CNTNAP3: variants seen among roughly 807,000 people sequenced by gnomAD.
CNTNAP3 encodes contactin associated protein family member 3.
CNTNAP3 carries 36 observed loss-of-function variants against 92.1 expected under a neutral mutation model. That is an observed-to-expected ratio of 0.39 (90% CI 0.30 to 0.52). The LOEUF is 0.52. CNTNAP3 is among the 20% of genes least tolerant of loss of function. The pLI is 0.76. For synonymous variants in CNTNAP3, 232 were observed against 422.3 expected, an observed-to-expected ratio of 0.55 and a Z score of 5.53; for missense variants, 534 against 1,069.6, an observed-to-expected ratio of 0.50 and a Z score of 6.98.
intron 15 of CNTNAP3, among the ~76,000 whole-genome samples, chr9:39,104,168 G>A (rs56298750): frequency 0.017 from 2,602 of 152,092 alleles, 79 homozygotes; most frequent in Non-Finnish European, 0.017. Context: ...CCAGTCAGGG[G>A]ATCGCGCAGC....
chr9:39,093,351 T>C (rs187105247), intron 18 of CNTNAP3, among the ~76,000 whole-genome samples: 4 of 148,712 alleles, frequency 2.7e-5, no homozygotes, highest in Admixed American at 2.0e-4. Flanking sequence ...ATTTCTTTCT[T>C]GATTTCACTA....
chr9:39,127,934 G>A (rs1821187324), intron 13 of CNTNAP3, among the ~76,000 whole-genome samples: 1 of 152,122 alleles, frequency 6.6e-6, no homozygotes, highest in Non-Finnish European at 1.5e-5. Context: ...TGCCTCCCAA[G>A]TTCAAGCGAT....
In CNTNAP3 at chr9:39,125,896, A is replaced by C. The variant is rs1167949090; in HGVS notation, c.2080+7036T>G. Among the ~76,000 whole-genome samples the C allele has an allele frequency of 9.9e-5, 15 of 152,282 alleles. No individual in the cohort carries two copies. The East Asian group carries it at 2.1e-3, about 22-fold the overall frequency. ...TCCATTATTACCACTGGAGACTTCA[A>C]CACCCCTCTATGAGTAAGTGACAGA... On this transcript the variant is annotated intron_variant, in intron 13 of 23. Coordinates refer to ENST00000297668, the MANE Select transcript of CNTNAP3 (RefSeq NM_033655.5).
At position 39,113,645 on chromosome 9, in the gene CNTNAP3, G is replaced by A. The variant is rs372941165; in HGVS notation, c.2238-4358C>T. Among the ~76,000 whole-genome samples the A allele has an allele frequency of 5.2e-3, 788 of 151,870 alleles. 21 individuals are homozygous for A. In the South Asian group the frequency reaches 0.086, roughly 17 times the overall value. ...CCTCTTGTGTCTTTAACTGACACAC[G>A]CATGAACTTTTAAAAATTATATATT... On this transcript the variant is annotated intron_variant, in intron 14 of 23. Transcript: ENST00000297668.
At chr9:39,148,693 T>C (rs1194855222) in intron 10 of CNTNAP3, among the ~76,000 whole-genome samples, 2 of 152,062 alleles carry the variant, frequency 1.3e-5, no homozygotes, top group African/African-American at 4.8e-5. Flanking sequence ...GCCTGGCTAA[T>C]TTTTTGCATT....
At chr9:39,124,841 T>A (rs1821119010) in intron 13 of CNTNAP3, among the ~76,000 whole-genome samples, 1 of 152,128 alleles carries the variant, frequency 6.6e-6, no homozygotes, top group South Asian at 2.1e-4. Context: ...TGATGATCAT[T>A]AAAAAGTCAG....
chr9:39,139,711 A>T (rs1428224800), intron 12 of CNTNAP3: 1 of 151,840 alleles, frequency 6.6e-6, no homozygotes, highest in Non-Finnish European at 1.5e-5. Flanking sequence ...TTCTAGTGCA[A>T]TCTTCTATAA....
rs1312328682 is a variant in CNTNAP3, at chr9:39,077,668, A to G, written c.3745+717T>C. Reference sequence around the variant, plus strand: ...CTATTTGTCATTGAAGAAAAGTACCATAAAGTGTATGCTCTGATAATTAGC... The same window carrying G: ...CTATTTGTCATTGAAGAAAAGTACCGTAAAGTGTATGCTCTGATAATTAGC... On this transcript the variant is annotated intron_variant, in intron 23 of 23. Transcript: ENST00000297668. Among the ~76,000 whole-genome samples, 4 of 152,350 alleles carry G rather than the reference A, an allele frequency of 2.6e-5. No homozygotes were observed. The East Asian group carries it at 7.7e-4, about 29-fold the overall frequency.
intron 12 of CNTNAP3, among the ~76,000 whole-genome samples, chr9:39,136,316 C>A (rs966583994): frequency 1.3e-5 from 2 of 151,968 alleles, no homozygotes; most frequent in Non-Finnish European, 2.9e-5. Flanking sequence ...ATCTGGTATA[C>A]CCATTCCTAT....
intron 23 of CNTNAP3, among the ~76,000 whole-genome samples, chr9:39,074,318 C>T (rs1189207381): frequency 1.3e-5 from 2 of 151,538 alleles, no homozygotes; most frequent in African/African-American, 2.4e-5. Flanking sequence ...TGTGAGTTAC[C>T]GTGCCTGGCC....
In CNTNAP3 at chr9:39,131,870, C is replaced by G. The variant is rs574428182; in HGVS notation, c.2080+1062G>C. On this transcript the variant is annotated intron_variant, in intron 13 of 23. Transcript: ENST00000297668. Reference sequence around the variant, plus strand: ...ATATTCCAGGGGCTGATTGGCCAGACAGATTAGGGAAGGCAATGCAGGTAT... The same window carrying G: ...ATATTCCAGGGGCTGATTGGCCAGAGAGATTAGGGAAGGCAATGCAGGTAT... Among the ~76,000 whole-genome samples the G allele has an allele frequency of 5.9e-3, 883 of 148,592 alleles. 12 individuals are homozygous for G. The highest frequency in any genetic ancestry group is 0.021 in the African/African-American group (829 of 38,772).
rs1825645833 is a variant in CNTNAP3, at chr9:39,072,193, G to C, written c.*1697C>G. ...TGAGAAGAGATCATTTGTTAAGAGCGGATTTAAGACAGAGAGTGTATTCAT... is the reference window on the plus strand; with the variant it reads ...TGAGAAGAGATCATTTGTTAAGAGCCGATTTAAGACAGAGAGTGTATTCAT... On this transcript the variant is annotated 3_prime_UTR_variant, in exon 24 of 24. Coordinates refer to ENST00000297668, the MANE Select transcript of CNTNAP3 (RefSeq NM_033655.5). Among the ~76,000 whole-genome samples the C allele has an allele frequency of 1.7e-5, 2 of 114,730 alleles. 1 individual carries two copies. The allele number at this position is 114,730 out of a possible 152,430, so 75.3% of individuals were successfully genotyped here. A position where few individuals can be genotyped will look rare whatever the true frequency, so the allele number is the denominator to read the frequency against.
chr9:39,092,539 ATTTC>A (rs979345268), intron 18 of CNTNAP3, among the ~76,000 whole-genome samples: 1 of 135,992 alleles, frequency 7.4e-6, no homozygotes, highest in Non-Finnish European at 1.6e-5. Context: ...ATATTCCACA[ATTTC>A]TTTATGTTAT....
rs1199685491 is a variant in CNTNAP3 at position 39,072,416 on chromosome 9, C to A, written c.*1474G>T. ...TTTTATGTAATTGGTTTATTGAATC[C>A]AAATGGTGGTTCCATGCATTATCAA... On this transcript the variant is annotated 3_prime_UTR_variant, in exon 24 of 24. Coordinates refer to ENST00000297668, the MANE Select transcript of CNTNAP3 (RefSeq NM_033655.5). 4.8e-5 allele frequency among the ~76,000 whole-genome samples: 7 copies of A among 146,392 alleles called. No homozygotes were observed. The highest frequency in any genetic ancestry group is 3.2e-3 in the Middle Eastern group (1 of 314).
In CNTNAP3 at chr9:39,068,677, A is replaced by G. The variant is rs1825567654; in HGVS notation, c.*5213T>C. 6.6e-6 allele frequency among the ~76,000 whole-genome samples: 1 copy of G among 152,304 alleles called. No homozygotes were observed. The highest frequency in any genetic ancestry group is 1.5e-5 in the Non-Finnish European group (1 of 68,054). On this transcript the variant is annotated 3_prime_UTR_variant, in exon 24 of 24. Coordinates refer to ENST00000297668, the MANE Select transcript of CNTNAP3 (RefSeq NM_033655.5). ...TTTCCTCGCCGGTACTCTATCCTGC[A>G]ATCTCTAGCCACCTTCGTGTACCTG...
Position 39,118,246 on chromosome 9 carries a change from C to A in CNTNAP3, c.2094G>T (p.Leu698=). ...RRPDSRDGTP[L]SWWVGRTNET... is the part of the protein sequence containing the mutation. ...CATTGGTTCTTCCAACCCACCAGCTCAGTGGGGTTCCATCTGAAAGACAAG... is the reference window on the plus strand; with the variant it reads ...CATTGGTTCTTCCAACCCACCAGCTAAGTGGGGTTCCATCTGAAAGACAAG... The change falls in exon 14 of 24, where the codon CTG becomes CTT. Residue 698 remains leucine (L), a synonymous_variant. Transcript: ENST00000297668. 1 of 1,612,692 alleles carries A rather than the reference C, an allele frequency of 6.2e-7. No individual in the cohort carries two copies. The highest frequency in any genetic ancestry group is 1.3e-5 in the African/African-American group (1 of 74,926).
intron 14 of CNTNAP3, among the ~76,000 whole-genome samples, chr9:39,115,888 G>C (rs1587715426): frequency 2.0e-5 from 3 of 151,202 alleles, no homozygotes; most frequent in Non-Finnish European, 4.4e-5. Flanking sequence ...ACTGCCCTAA[G>C]CATACGTGAA....
At chr9:39,126,955 CA>C (rs558227783) in intron 13 of CNTNAP3, among the ~76,000 whole-genome samples, 1 of 151,110 alleles carries the variant, frequency 6.6e-6, no homozygotes, top group African/African-American at 2.4e-5. Context: ...GCAGAATATA[CA>C]TTTTTTTTTC....
intron 18 of CNTNAP3, among the ~76,000 whole-genome samples, chr9:39,096,377 TG>T (rs1261688843): frequency 3.3e-5 from 5 of 151,734 alleles, no homozygotes; most frequent in Admixed American, 6.6e-5. Flanking sequence ...CTCTGTTTTT[TG>T]TAAGTAGGGA....
Sources: gnomAD v4.1 joint callset for allele counts (sites outside exome capture counted in the v4.1 genomes callset) on GRCh38, gnomAD v4.1.1 for gene constraint, MANE v1.5 for transcripts, NCBI Gene and HGNC (gene_info 2026-07-23, HGNC 2026-07-21) for gene names.